GABBR2: variants seen among roughly 807,000 people sequenced by gnomAD.
GABBR2 encodes the protein gamma-aminobutyric acid type B receptor subunit 2.
Under a neutral mutation model 105.6 loss-of-function variants are expected in GABBR2, and 23 were observed. The ratio of observed to expected loss-of-function variants is 0.22; its 90% CI spans 0.16 to 0.31. The LOEUF is 0.31. Ranked by LOEUF, GABBR2 falls within the 10% of genes least tolerant of loss-of-function variation. The probability of loss-of-function intolerance (pLI) is 1.00; values close to 1 mark genes in which losing one functional copy is unlikely to be tolerated. For synonymous variants in GABBR2, 478 were observed against 499.7 expected, an observed-to-expected ratio of 0.96 and a Z score of 0.58; for missense variants, 734 against 1,245.5, an observed-to-expected ratio of 0.59 and a Z score of 6.18.
At chr9:98,610,850 G>T (rs1224444281) in intron 1 of GABBR2, among the ~76,000 whole-genome samples, 1 of 152,126 alleles carries the variant, frequency 6.6e-6, no homozygotes, top group Non-Finnish European at 1.5e-5. Context: ...GCCACAGGAA[G>T]CAAATACAAG....
intron 3 of GABBR2, among the ~76,000 whole-genome samples, chr9:98,502,961 T>C (rs1218214013): frequency 6.6e-6 from 1 of 152,248 alleles, no homozygotes; most frequent in Non-Finnish European, 1.5e-5. Context: ...ACATCTCTTC[T>C]GTTTCAGGAA....
At chr9:98,347,278 G>C (rs375897118) in intron 13 of GABBR2, among the ~76,000 whole-genome samples, 1 of 152,054 alleles carries the variant, frequency 6.6e-6, no homozygotes, top group Admixed American at 6.5e-5. Context: ...CATTCTAACC[G>C]GGGTGAGATG....
intron 1 of GABBR2, among the ~76,000 whole-genome samples, chr9:98,663,163 A>C (rs1830288752): frequency 6.8e-6 from 1 of 147,618 alleles, no homozygotes; most frequent in South Asian, 2.2e-4. Context: ...TCATCAAGAC[A>C]GTGGAGGGAG....
chr9:98,623,831 T>G (rs1313651029), intron 1 of GABBR2, among the ~76,000 whole-genome samples: 1 of 152,180 alleles, frequency 6.6e-6, no homozygotes, highest in African/African-American at 2.4e-5. Flanking sequence ...ATCTGTCCTA[T>G]GTAGAAAGTA....
chr9:98,702,345 G>A (rs1215875396), intron 1 of GABBR2, among the ~76,000 whole-genome samples: 9 of 151,836 alleles, frequency 5.9e-5, no homozygotes, highest in Non-Finnish European at 1.0e-4. Flanking sequence ...AGTGCTGCCC[G>A]TTCTTCACAA....
At chr9:98,305,197 G>A (rs1830531910) in intron 15 of GABBR2, among the ~76,000 whole-genome samples, 1 of 152,106 alleles carries the variant, frequency 6.6e-6, no homozygotes, top group African/African-American at 2.4e-5. Flanking sequence ...GATGATGTTC[G>A]AAAAATTTCT....
intron 7 of GABBR2, among the ~76,000 whole-genome samples, chr9:98,451,318 G>T (rs1463993210): frequency 6.6e-6 from 1 of 152,158 alleles, no homozygotes; most frequent in Non-Finnish European, 1.5e-5. Flanking sequence ...ATAACAAGGA[G>T]TTCTGAGAAT....
chr9:98,365,512 T>C (rs1316963784), intron 12 of GABBR2, among the ~76,000 whole-genome samples: 2 of 152,250 alleles, frequency 1.3e-5, no homozygotes, highest in Non-Finnish European at 2.9e-5. Flanking sequence ...ATTTTCCTTT[T>C]GGCACCATTC....
intron 9 of GABBR2, among the ~76,000 whole-genome samples, chr9:98,393,946 TTTAAAC>T (rs1832240807): frequency 6.6e-6 from 1 of 152,198 alleles, no homozygotes; most frequent in East Asian, 1.9e-4. Context: ...CATCCAATGG[TTTAAAC>T]ACCTCAGTGT....
At chr9:98,603,000 G>A (rs905563217) in intron 1 of GABBR2, among the ~76,000 whole-genome samples, 4 of 152,064 alleles carry the variant, frequency 2.6e-5, no homozygotes, top group Non-Finnish European at 5.9e-5. Flanking sequence ...CTGTAGGGAG[G>A]GCCGGCAGAC....
chr9:98,471,653 C>T (rs1425343763), intron 6 of GABBR2, among the ~76,000 whole-genome samples: 1 of 152,188 alleles, frequency 6.6e-6, no homozygotes, highest in African/African-American at 2.4e-5. Flanking sequence ...ATCTCCTGTG[C>T]AACCATTTAA....
rs1832109976 is a variant in GABBR2, at chr9:98,388,146, G to A, written c.1529+708C>T. Among the ~76,000 whole-genome samples, 1 of 152,212 alleles carries A rather than the reference G, an allele frequency of 6.6e-6. No individual in the cohort carries two copies. Among genetic ancestry groups the A allele is most frequent in the African/African-American group, 2.4e-5 (1 of 41,456 alleles). ...AAACCACCGCCTGGAGTGGCGGCCT[G>A]TTCTACCCATGACTGACCAGAATAA... On this transcript the variant is annotated intron_variant, in intron 10 of 18. Transcript: ENST00000259455. This position sits in a 1 kb window ranked among gnomAD's most constrained non-coding sequence, Gnocchi z 4.4.
At chr9:98,703,259 T>C (rs1326373770) in intron 1 of GABBR2, among the ~76,000 whole-genome samples, 1 of 152,178 alleles carries the variant, frequency 6.6e-6, no homozygotes, top group African/African-American at 2.4e-5. Context: ...GAGGAAGATA[T>C]TTTTAAAGAT....
chr9:98,609,388 G>A (rs890316013), intron 1 of GABBR2, among the ~76,000 whole-genome samples: 4 of 152,124 alleles, frequency 2.6e-5, no homozygotes, highest in African/African-American at 9.7e-5. Flanking sequence ...TCACCTCCCT[G>A]CAGTTTCTCG....
chr9:98,510,473 G>C (rs1311429705), intron 3 of GABBR2, among the ~76,000 whole-genome samples: 1 of 152,034 alleles, frequency 6.6e-6, no homozygotes, highest in Non-Finnish European at 1.5e-5. Flanking sequence ...GACACAGACT[G>C]GCAAATTGGA....
At chr9:98,561,016 T>C (rs1390951000) in intron 2 of GABBR2, among the ~76,000 whole-genome samples, 1 of 151,932 alleles carries the variant, frequency 6.6e-6, no homozygotes, top group Admixed American at 6.6e-5. Context: ...ATATTCAAAT[T>C]TCTTCAATTT....
chr9:98,403,228 A>G (rs1341074212), intron 8 of GABBR2, among the ~76,000 whole-genome samples: 1 of 130,784 alleles, frequency 7.6e-6, no homozygotes, highest in Non-Finnish European at 1.5e-5. Flanking sequence ...CAGGAGGCAG[A>G]GGTTGCAGTG....
chr9:98,677,918 T>C (rs1185843782), intron 1 of GABBR2, among the ~76,000 whole-genome samples: 1 of 152,186 alleles, frequency 6.6e-6, no homozygotes, highest in Non-Finnish European at 1.5e-5. Flanking sequence ...TATTAGGGCC[T>C]GACTGTCCTT....
intron 16 of GABBR2, 137 bp downstream of exon 16, chr9:98,303,104 C>T (rs764087869): frequency 1.3e-4 from 78 of 611,364 alleles, no homozygotes; most frequent in East Asian, 8.8e-5. Context: ...CCCTGGCTCT[C>T]GCAGCTGCAA....
Sources: allele counts gnomAD v4.1 joint callset (sites outside exome capture counted in the v4.1 genomes callset), GRCh38; gene constraint gnomAD v4.1.1; non-coding constraint Gnocchi (gnomAD v3.1); transcripts MANE v1.5; gene names NCBI Gene and HGNC (gene_info 2026-07-23, HGNC 2026-07-21).